The following ERCC8 variants were observed in gnomAD, a reference collection of about 807,000 sequenced individuals.
ERCC8 encodes the protein ERCC excision repair 8, CSA ubiquitin ligase complex subunit.
In ERCC8, 52 loss-of-function variants were observed where a neutral mutation model predicts 54.9. The ratio of observed to expected loss-of-function variants is 0.95; its 90% CI spans 0.76 to 1.19. ERCC8 has a LOEUF of 1.19. Ranked by LOEUF, ERCC8 falls within the 50% of genes most tolerant of loss-of-function variation. The probability of loss-of-function intolerance (pLI) is 0.00; values close to 1 mark genes in which losing one functional copy is unlikely to be tolerated. For synonymous variants in ERCC8, 146 were observed against 157.2 expected (o/e 0.93, Z 0.53); for missense variants, 514 against 466.1 (o/e 1.10, Z -0.95).
chr5:60,901,780 T>C (rs1439094053), intron 7 of ERCC8, among the ~76,000 whole-genome samples: 1 of 152,028 alleles, frequency 6.6e-6, no homozygotes, highest in African/African-American at 2.4e-5. Context: ...CACCTGTTTC[T>C]CTCTACTGGT....
chr5:60,901,563 G>A (rs1164401826), intron 7 of ERCC8, among the ~76,000 whole-genome samples: 2 of 152,108 alleles, frequency 1.3e-5, no homozygotes, highest in East Asian at 3.9e-4. Flanking sequence ...AAGAGAAGCC[G>A]TTAAGTCTGA....
chr5:60,923,165 T>C (rs926121430), intron 2 of ERCC8, among the ~76,000 whole-genome samples: 1 of 152,128 alleles, frequency 6.6e-6, no homozygotes, highest in Non-Finnish European at 1.5e-5. Context: ...AAACAATTAT[T>C]GACTCACTCT....
intron 11 of ERCC8, 124 bp from the exon 12 acceptor site, chr5:60,874,807 T>C: frequency 1.3e-6 from 1 of 776,060 alleles, no homozygotes; most frequent in Non-Finnish European, 2.1e-6. Flanking sequence ...GAAGAAAATG[T>C]ATAACTGTTA....
chr5:60,877,935 T>A (rs1748067280), intron 11 of ERCC8, among the ~76,000 whole-genome samples: 1 of 152,208 alleles, frequency 6.6e-6, no homozygotes, highest in South Asian at 2.1e-4. Flanking sequence ...AGAGAGGGCA[T>A]CCCTGTCTTG....
chr5:60,901,713 C>T (rs969840753), intron 7 of ERCC8, among the ~76,000 whole-genome samples: 4 of 151,992 alleles, frequency 2.6e-5, no homozygotes, highest in Admixed American at 2.0e-4. Context: ...TTGATACTAC[C>T]CACTTCTGTG....
Position 60,891,088 on chromosome 5 carries a change from T to C in ERCC8, c.844-2A>G. The C allele has an allele frequency of 6.3e-7, 1 of 1,586,198 alleles. No homozygotes were observed. The highest frequency in any genetic ancestry group is 1.1e-5 in the South Asian group (1 of 90,378). ...ATTACAAACTTTTCCATAGTTCACC[T>C]GTAGGATTAAAATAATAAGGTTACT... On this transcript the variant is annotated splice_acceptor_variant, in intron 9 of 11. Transcript: ENST00000676185. LOFTEE classifies it high-confidence loss of function.
chr5:60,910,299 G>T (rs1749220733), intron 4 of ERCC8, among the ~76,000 whole-genome samples: 1 of 151,966 alleles, frequency 6.6e-6, no homozygotes, highest in African/African-American at 2.4e-5. Context: ...TAACTTTATA[G>T]CAAGTCTTGA....
Position 60,868,360 on chromosome 5 carries a change from C to T in ERCC8, c.*6255G>A, listed in dbSNP as rs1304801129. On this transcript the variant is annotated 3_prime_UTR_variant, in exon 12 of 12. Coordinates refer to ENST00000676185, the MANE Select transcript of ERCC8 (RefSeq NM_000082.4). ...GAGCATGAACTCGGAGAGCGGTTAT[C>T]AATCCACTAGCACAAAGTTTACCAG... 2.0e-5 allele frequency among the ~76,000 whole-genome samples: 3 copies of T among 152,182 alleles called. No individual in the cohort carries two copies. The highest frequency in any genetic ancestry group is 2.0e-4 in the Admixed American group (3 of 15,280).
At chr5:60,916,534 A>C (rs1243482327) in intron 4 of ERCC8, among the ~76,000 whole-genome samples, 1 of 152,082 alleles carries the variant, frequency 6.6e-6, no homozygotes, top group Non-Finnish European at 1.5e-5. Flanking sequence ...GCTACAAGAT[A>C]TTCCATTATA....
chr5:60,916,292 T>A (rs572869722), intron 4 of ERCC8, among the ~76,000 whole-genome samples: 3 of 152,086 alleles, frequency 2.0e-5, no homozygotes, highest in Non-Finnish European at 4.4e-5. Context: ...CCCACTCATT[T>A]ATCTGCCTCT....
At chr5:60,914,443 A>G (rs1408232423) in intron 4 of ERCC8, among the ~76,000 whole-genome samples, 1 of 151,838 alleles carries the variant, frequency 6.6e-6, no homozygotes, top group Non-Finnish European at 1.5e-5. Context: ...TTTGCTTGGT[A>G]GATCTTCCTC....
chr5:60,902,222 G>C (rs1748923137), intron 7 of ERCC8, among the ~76,000 whole-genome samples: 1 of 152,040 alleles, frequency 6.6e-6, no homozygotes. Flanking sequence ...GTTCCTCTGT[G>C]TTCTAAGGTG....
At chr5:60,883,005 ATG>A (rs1748288351) in intron 11 of ERCC8, among the ~76,000 whole-genome samples, 2 of 143,650 alleles carry the variant, frequency 1.4e-5, no homozygotes, top group Non-Finnish European at 3.0e-5. Context: ...ACACACACAC[ATG>A]TCTGTAGGTG....
intron 3 of ERCC8, among the ~76,000 whole-genome samples, chr5:60,921,827 A>T (rs1277507663): frequency 1.3e-5 from 2 of 151,870 alleles, no homozygotes; most frequent in East Asian, 3.8e-4. Flanking sequence ...ATAAAATACT[A>T]ATGAAAATTG....
In ERCC8 at chr5:60,870,684, G is replaced by C. The variant is rs560320408; in HGVS notation, c.*3931C>G. ...CTCAAAAAAAAAAAAGGGAAGAAAGGAAGAAACATAGAGAGGTCAGTTACA... is the reference window on the plus strand; with the variant it reads ...CTCAAAAAAAAAAAAGGGAAGAAAGCAAGAAACATAGAGAGGTCAGTTACA... On this transcript the variant is annotated 3_prime_UTR_variant, in exon 12 of 12. Transcript: ENST00000676185. Among the ~76,000 whole-genome samples the C allele has an allele frequency of 1.3e-5, 2 of 150,692 alleles. No homozygotes were observed. The highest frequency in any genetic ancestry group is 4.9e-5 in the African/African-American group (2 of 41,084).
At chr5:60,918,182 A>G in intron 4 of ERCC8, 83 bp downstream of exon 4, 11 of 1,109,278 alleles carry the variant, frequency 9.9e-6, no homozygotes, top group Non-Finnish European at 1.5e-5. Flanking sequence ...ATGACATCTC[A>G]GCAAATAATC....
intron 11 of ERCC8, among the ~76,000 whole-genome samples, chr5:60,881,760 C>T (rs897388311): frequency 6.6e-6 from 1 of 151,610 alleles, no homozygotes; most frequent in Non-Finnish European, 1.5e-5. Flanking sequence ...CCGTCTGTCA[C>T]CCCTTTCTGT....
chr5:60,890,284 G>A (rs1304196038), intron 10 of ERCC8, among the ~76,000 whole-genome samples: 1 of 151,904 alleles, frequency 6.6e-6, no homozygotes, highest in Non-Finnish European at 1.5e-5. Context: ...TACAAAACAG[G>A]GAAAATACCA....
intron 9 of ERCC8, among the ~76,000 whole-genome samples, chr5:60,897,385 C>T (rs921822667): frequency 6.6e-6 from 1 of 152,212 alleles, no homozygotes; most frequent in African/African-American, 2.4e-5. Flanking sequence ...GAAATGTAAG[C>T]TCCATGAGGA....
Sources: gnomAD v4.1 joint callset for allele counts (sites outside exome capture counted in the v4.1 genomes callset) on GRCh38, gnomAD v4.1.1 for gene constraint, MANE v1.5 for transcripts, NCBI Gene and HGNC (gene_info 2026-07-23, HGNC 2026-07-21) for gene names.